Variants in PDE4D observed in about 807,000 individuals in gnomAD.
PDE4D encodes phosphodiesterase 4D.
PDE4D carries 24 observed loss-of-function variants against 87.4 expected under a neutral mutation model. The ratio of observed to expected loss-of-function variants is 0.27; its 90% confidence interval spans 0.20 to 0.39. The LOEUF (loss-of-function observed/expected upper bound fraction) is 0.39. Ranked by LOEUF, PDE4D falls within the 10% of genes least tolerant of loss-of-function variation. The pLI, the probability that PDE4D is intolerant of heterozygous loss-of-function variation, is 1.00. For missense variants in PDE4D, 714 were observed against 1,041.0 expected (o/e 0.69, Z 4.32); for synonymous variants, 384 against 383.2 (o/e 1.00, Z -0.02).
Position 59,771,364 on chromosome 5 carries a change from A to T in PDE4D, c.455+121804T>A, listed in dbSNP as rs1266429194. On this transcript the variant is annotated intron_variant, in intron 1 of 14. Transcript: ENST00000340635. ...TCTTAGTGACCAAGTAAAGGAAGAGATTATACTAAAAATGATATGGGCGAC... is the reference window on the plus strand; with the variant it reads ...TCTTAGTGACCAAGTAAAGGAAGAGTTTATACTAAAAATGATATGGGCGAC... Among the ~76,000 whole-genome samples, 3 of 149,952 alleles carry T rather than the reference A, an allele frequency of 2.0e-5. No homozygotes were observed. The East Asian group carries it at 5.9e-4, about 29-fold the overall frequency.
intron 2 of PDE4D, among the ~76,000 whole-genome samples, chr5:60,169,651 TTAA>T (rs1783240702): frequency 6.6e-6 from 1 of 152,032 alleles, no homozygotes; most frequent in African/African-American, 2.4e-5. Flanking sequence ...CCACAATCAA[TTAA>T]TAATAATATA....
intron 5 of PDE4D, among the ~76,000 whole-genome samples, chr5:59,137,686 G>A (rs576429721): frequency 6.6e-6 from 1 of 151,890 alleles, no homozygotes; most frequent in Admixed American, 6.6e-5. Context: ...GCCACCACGC[G>A]TGGCTAATTT....
At chr5:59,379,228 T>C (rs985604827) in intron 1 of PDE4D, among the ~76,000 whole-genome samples, 1 of 152,148 alleles carries the variant, frequency 6.6e-6, no homozygotes, top group African/African-American at 2.4e-5. Context: ...TCATTTAAAT[T>C]GATTGCCTGA....
chr5:59,278,801 G>A (rs1275551779), intron 1 of PDE4D, among the ~76,000 whole-genome samples: 1 of 152,016 alleles, frequency 6.6e-6, no homozygotes, highest in Non-Finnish European at 1.5e-5. Flanking sequence ...AACTCCTAAA[G>A]TCTGTCTCAT....
At chr5:59,408,624 A>T (rs1471260479) in intron 1 of PDE4D, among the ~76,000 whole-genome samples, 1 of 152,208 alleles carries the variant, frequency 6.6e-6, no homozygotes, top group Non-Finnish European at 1.5e-5. Flanking sequence ...AGCCGTAGGC[A>T]CTCAACTCCA....
At chr5:59,875,480 A>G (rs1428944370) in intron 1 of PDE4D, among the ~76,000 whole-genome samples, 1 of 150,494 alleles carries the variant, frequency 6.6e-6, no homozygotes, top group Non-Finnish European at 1.5e-5. Flanking sequence ...AAAAAAAAAA[A>G]AAAAAAAAAA....
At chr5:59,393,237 C>CA (rs1476629842) in intron 1 of PDE4D, among the ~76,000 whole-genome samples, 31 of 151,868 alleles carry the variant, frequency 2.0e-4, no homozygotes, top group African/African-American at 7.5e-4. Flanking sequence ...TATTTGACAA[C>CA]AAAAAAAGGA....
At position 59,674,778 on chromosome 5, in the gene PDE4D, A is replaced by G. The variant is rs1200579291; in HGVS notation, c.455+218390T>C. Reference sequence around the variant, plus strand: ...CAATAGGTAGTATTAATATTCTGTAACAAGGAGATTTCAATAGTGTAACAC... The same window carrying G: ...CAATAGGTAGTATTAATATTCTGTAGCAAGGAGATTTCAATAGTGTAACAC... On this transcript the variant is annotated intron_variant, in intron 1 of 14. Transcript: ENST00000340635. Among the ~76,000 whole-genome samples, 5 of 152,238 alleles carry G rather than the reference A, an allele frequency of 3.3e-5. No homozygotes were observed. The East Asian group carries it at 9.6e-4, about 29-fold the overall frequency.
chr5:59,685,508 CTGTT>C (rs796902726), intron 1 of PDE4D, among the ~76,000 whole-genome samples: 16 of 152,190 alleles, frequency 1.1e-4, no homozygotes, highest in African/African-American at 3.6e-4. Context: ...CATGAAACAC[CTGTT>C]TGTTAGGCAC....
rs185781705 is a variant in PDE4D at position 60,269,029 on chromosome 5, C to T, written c.-89-83342G>A. ...TATACATAAATATTTCTTGGCCGGG[C>T]GCGGTGGCTCACACCTGTAATTCCA... On this transcript the variant is annotated intron_variant, in intron 1 of 16. Transcript: ENST00000502484. Among the ~76,000 whole-genome samples, 968 of 152,282 alleles carry T rather than the reference C, an allele frequency of 6.4e-3. 10 individuals are homozygous for T. The highest frequency in any genetic ancestry group is 0.022 in the African/African-American group (930 of 41,562).
chr5:60,381,910 G>C (rs1219139225), intron 1 of PDE4D, among the ~76,000 whole-genome samples: 1 of 152,082 alleles, frequency 6.6e-6, no homozygotes, highest in African/African-American at 2.4e-5. Context: ...GATGAAACTT[G>C]GCTGTCTACA....
chr5:60,398,969 T>C (rs140008321), intron 1 of PDE4D, among the ~76,000 whole-genome samples: 247 of 152,284 alleles, frequency 1.6e-3, no homozygotes, highest in African/African-American at 5.4e-3. Context: ...TATCTTTGAA[T>C]TGCAATGAGG....
chr5:59,567,750 A>ATGGAT (rs1821185502), intron 1 of PDE4D, among the ~76,000 whole-genome samples: 1 of 152,212 alleles, frequency 6.6e-6, no homozygotes, highest in Non-Finnish European at 1.5e-5. Flanking sequence ...TAAGCAAATG[A>ATGGAT]TGGATGGTAG....
chr5:59,029,824 T>C (rs770888799), intron 6 of PDE4D, among the ~76,000 whole-genome samples: 18 of 152,188 alleles, frequency 1.2e-4, no homozygotes, highest in Non-Finnish European at 2.2e-4. Context: ...CAGCATGTTA[T>C]TGACATAAAA....
upstream of PDE4D, among the ~76,000 whole-genome samples, chr5:60,492,124 T>TAAAA (rs776940230): frequency 7.7e-6 from 1 of 130,452 alleles, no homozygotes; most frequent in Non-Finnish European, 1.7e-5. Flanking sequence ...AAAGTATAAT[T>TAAAA]AAAAAAAAAA....
At chr5:59,070,111 T>G (rs1349673664) in intron 5 of PDE4D, among the ~76,000 whole-genome samples, 1 of 152,202 alleles carries the variant, frequency 6.6e-6, no homozygotes, top group East Asian at 1.9e-4. Flanking sequence ...TTAGAAGTAC[T>G]GCTTGAGAGT....
At chr5:59,612,232 G>GTTTTT (rs58203288) in intron 1 of PDE4D, among the ~76,000 whole-genome samples, 5 of 52,812 alleles carry the variant, frequency 9.5e-5, no homozygotes, top group Middle Eastern at 0.01. Flanking sequence ...GATTGACACT[G>GTTTTT]TTTTTTTTGT....
chr5:60,283,051 T>C lies in PDE4D; in HGVS notation c.-89-97364A>G, dbSNP rs557793620. Among the ~76,000 whole-genome samples, 8 of 152,308 alleles carry C rather than the reference T, an allele frequency of 5.3e-5. No individual in the cohort carries two copies. In the East Asian group the frequency reaches 1.5e-3, roughly 29 times the overall value. ...TTATTTGATTGTTTTTTCAAGTTTC[T>C]ATATCTTTACTGATTTTCTGTCTAC... is the stretch of plus-strand genomic sequence containing the variant. On this transcript the variant is annotated intron_variant, in intron 1 of 16. Transcript: ENST00000502484.
chr5:59,487,808 G>T (rs753577573), intron 1 of PDE4D, among the ~76,000 whole-genome samples: 3 of 152,140 alleles, frequency 2.0e-5, no homozygotes, highest in Non-Finnish European at 2.9e-5. Context: ...AGGAGAAATA[G>T]CTCCCTTCTA....
Sources: allele counts gnomAD v4.1 joint callset (sites outside exome capture counted in the v4.1 genomes callset), GRCh38; gene constraint gnomAD v4.1.1; transcripts MANE v1.5; gene names NCBI Gene and HGNC (gene_info 2026-07-23, HGNC 2026-07-21).